FAM110B: variants seen among roughly 807,000 people sequenced by gnomAD.
FAM110B encodes family with sequence similarity 110 member B.
In FAM110B, 6 loss-of-function variants were observed where a neutral mutation model predicts 20.4. That is an observed-to-expected ratio of 0.29 (90% CI 0.16 to 0.58). The LOEUF (loss-of-function observed/expected upper bound fraction) is 0.58. Ranked by LOEUF, FAM110B falls within the 20% of genes least tolerant of loss-of-function variation. FAM110B has a pLI of 0.90. For missense variants in FAM110B, 434 were observed against 498.2 expected, an observed-to-expected ratio of 0.87 and a Z score of 1.23; for synonymous variants, 226 against 214.1, an observed-to-expected ratio of 1.06 and a Z score of -0.49.
At chr8:58,109,423 A>G (rs1217259732) in intron 3 of FAM110B, among the ~76,000 whole-genome samples, 1 of 152,176 alleles carries the variant, frequency 6.6e-6, no homozygotes. Context: ...TAAAGACCCC[A>G]GGGCTTACTT....
chr8:58,045,054 A>G (rs1805292602), intron 2 of FAM110B, among the ~76,000 whole-genome samples: 1 of 152,252 alleles, frequency 6.6e-6, no homozygotes, highest in South Asian at 2.1e-4. Context: ...TTTAAAAATT[A>G]GTGGAGTGGA....
At chr8:58,005,340 A>G (rs780650519) in intron 1 of FAM110B, among the ~76,000 whole-genome samples, 7 of 152,178 alleles carry the variant, frequency 4.6e-5, no homozygotes, top group Non-Finnish European at 1.0e-4. Context: ...TAGTGCCCCA[A>G]ACAATTACAA....
intron 3 of FAM110B, among the ~76,000 whole-genome samples, chr8:58,120,380 G>C (rs1053373294): frequency 6.6e-6 from 1 of 151,038 alleles, no homozygotes; most frequent in African/African-American, 2.5e-5. Flanking sequence ...CCACTTTTTC[G>C]TCTTCCTGAT....
intron 1 of FAM110B, among the ~76,000 whole-genome samples, chr8:58,008,550 A>T (rs907885822): frequency 3.3e-5 from 5 of 152,242 alleles, no homozygotes; most frequent in African/African-American, 1.2e-4. Context: ...GGTAATTAGC[A>T]TACCCAGCAC....
At chr8:58,000,203 C>G (rs1804265680) in intron 1 of FAM110B, among the ~76,000 whole-genome samples, 1 of 152,164 alleles carries the variant, frequency 6.6e-6, no homozygotes, top group African/African-American at 2.4e-5. Context: ...AGCCAAGGAA[C>G]CAGGTCAGCA....
At chr8:58,118,518 T>C (rs901701600) in intron 3 of FAM110B, among the ~76,000 whole-genome samples, 4 of 152,176 alleles carry the variant, frequency 2.6e-5, no homozygotes, top group Non-Finnish European at 4.4e-5. Context: ...CTAGCTTAAG[T>C]AGAAGGCTTA....
chr8:58,012,972 G>A (rs1044071991), intron 1 of FAM110B, among the ~76,000 whole-genome samples: 3 of 152,074 alleles, frequency 2.0e-5, no homozygotes, highest in Non-Finnish European at 4.4e-5. Context: ...TGCCATCCCA[G>A]GCTGGTGTCT....
At chr8:58,085,695 G>A (rs1806316218) in intron 3 of FAM110B, among the ~76,000 whole-genome samples, 1 of 152,158 alleles carries the variant, frequency 6.6e-6, no homozygotes, top group Admixed American at 6.5e-5. Context: ...TTAAGATCAT[G>A]TTCACTTTCT....
At chr8:58,116,599 A>G (rs959048645) in intron 3 of FAM110B, among the ~76,000 whole-genome samples, 1 of 152,134 alleles carries the variant, frequency 6.6e-6, no homozygotes, top group Admixed American at 6.5e-5. Flanking sequence ...AAATATGCCA[A>G]CCCTAATATT....
intron 3 of FAM110B, chr8:58,091,565 T>G (rs1236927307): frequency 6.6e-6 from 1 of 152,080 alleles, no homozygotes; most frequent in Non-Finnish European, 1.5e-5. Flanking sequence ...ATGAGATCTG[T>G]GGATGACCTT....
rs373288500 is a variant in FAM110B at position 58,043,931 on chromosome 8, C to T, written c.-414+12228C>T. On this transcript the variant is annotated intron_variant, in intron 2 of 3. Transcript: ENST00000519262. Reference sequence around the variant, plus strand: ...ATCCAATCAGACTGATTCTAGAATTCCCTTCTCTTGACTGCTATACTGTAG... The same window carrying T: ...ATCCAATCAGACTGATTCTAGAATTTCCTTCTCTTGACTGCTATACTGTAG... 4.9e-4 allele frequency among the ~76,000 whole-genome samples: 74 copies of T among 152,306 alleles called. 2 individuals carry two copies. The South Asian group carries it at 0.015, about 31-fold the overall frequency.
At chr8:58,024,948 C>T (rs1804823896) in intron 1 of FAM110B, among the ~76,000 whole-genome samples, 1 of 152,216 alleles carries the variant, frequency 6.6e-6, no homozygotes, top group African/African-American at 2.4e-5. Flanking sequence ...CTTCTGTAGA[C>T]TTATAATAAT....
chr8:58,066,598 C>G (rs1585856778), intron 2 of FAM110B, among the ~76,000 whole-genome samples: 1 of 149,064 alleles, frequency 6.7e-6, no homozygotes, highest in East Asian at 1.9e-4. Context: ...GGAAGGGGCA[C>G]AAGCTCCCCG....
intron 1 of FAM110B, among the ~76,000 whole-genome samples, chr8:57,997,238 T>A (rs1045128619): frequency 2.0e-5 from 3 of 152,182 alleles, no homozygotes. Flanking sequence ...AATCCCATTG[T>A]TTGCTGCCCC....
chr8:58,062,533 A>G (rs1046975626), intron 2 of FAM110B, among the ~76,000 whole-genome samples: 1 of 152,200 alleles, frequency 6.6e-6, no homozygotes, highest in African/African-American at 2.4e-5. Context: ...TGACAAACCC[A>G]TTGAACCATT....
chr8:58,011,677 C>T (rs1326089455), intron 1 of FAM110B, among the ~76,000 whole-genome samples: 1 of 152,200 alleles, frequency 6.6e-6, no homozygotes, highest in African/African-American at 2.4e-5. Context: ...ACCTTTGACA[C>T]ACACCCAAGA....
intron 2 of FAM110B, among the ~76,000 whole-genome samples, chr8:58,035,121 A>G (rs1159718426): frequency 6.6e-6 from 1 of 152,246 alleles, no homozygotes; most frequent in Non-Finnish European, 1.5e-5. Context: ...ATAAAAGGCA[A>G]TATATTCTTG....
At chr8:58,130,968 T>C (rs1020518903) in intron 3 of FAM110B, among the ~76,000 whole-genome samples, 2 of 152,142 alleles carry the variant, frequency 1.3e-5, no homozygotes, top group Non-Finnish European at 2.9e-5. Flanking sequence ...CTGTCTTCCT[T>C]TTCATGCTCT....
At chr8:58,037,627 ACT>A (rs1030920104) in intron 2 of FAM110B, among the ~76,000 whole-genome samples, 31 of 151,466 alleles carry the variant, frequency 2.0e-4, no homozygotes, top group Admixed American at 4.6e-4. Flanking sequence ...ACAGAGTAAG[ACT>A]CTGTCTCTTT....
Sources: gnomAD v4.1 joint callset for allele counts (sites outside exome capture counted in the v4.1 genomes callset) on GRCh38, gnomAD v4.1.1 for gene constraint, MANE v1.5 for transcripts, NCBI Gene and HGNC (gene_info 2026-07-23, HGNC 2026-07-21) for gene names.